ZBTB20: variants seen among roughly 807,000 people sequenced by gnomAD.
ZBTB20 encodes zinc finger and BTB domain containing 20, also known as zinc finger and BTB domain-containing protein 20.
A neutral mutation model predicts 56.9 loss-of-function variants in ZBTB20; 9 were observed. The ratio of observed to expected loss-of-function variants is 0.16; its 90% CI spans 0.10 to 0.28. ZBTB20 has a LOEUF of 0.28. Ranked by LOEUF, ZBTB20 falls within the 10% of genes least tolerant of loss-of-function variation. The pLI is 1.00. For missense variants in ZBTB20, 655 were observed against 1,003.0 expected (o/e 0.65, Z 4.69); for synonymous variants, 417 against 420.7 (o/e 0.99, Z 0.11).
intron 5 of ZBTB20, among the ~76,000 whole-genome samples, chr3:114,735,051 G>A (rs1361220888): frequency 6.6e-6 from 1 of 151,426 alleles, no homozygotes; most frequent in African/African-American, 2.4e-5. Flanking sequence ...TCAGCGTTAT[G>A]ACACCATGTT....
intron 6 of ZBTB20, among the ~76,000 whole-genome samples, chr3:114,649,522 A>C (rs1403171108): frequency 6.6e-6 from 1 of 151,840 alleles, no homozygotes; most frequent in Non-Finnish European, 1.5e-5. Flanking sequence ...TTTGTGACTC[A>C]TGGGTGTACT....
chr3:114,925,708 A>G (rs898591447), intron 3 of ZBTB20, among the ~76,000 whole-genome samples: 6 of 152,032 alleles, frequency 3.9e-5, no homozygotes, highest in Non-Finnish European at 8.8e-5. Flanking sequence ...TTGTATTTTT[A>G]GTAGAGACGG....
chr3:114,471,097 T>C (rs879237376), intron 7 of ZBTB20, among the ~76,000 whole-genome samples: 2 of 152,192 alleles, frequency 1.3e-5, no homozygotes, highest in Admixed American at 1.3e-4. Context: ...TCCAGGAAAC[T>C]AGTCCTGACC....
At chr3:115,035,224 T>C (rs1380922560) in intron 2 of ZBTB20, among the ~76,000 whole-genome samples, 1 of 151,928 alleles carries the variant, frequency 6.6e-6, no homozygotes. Flanking sequence ...TTGAGCTTCA[T>C]AAAAATTAAA....
At chr3:114,459,568 G>A (rs1432718902) in intron 7 of ZBTB20, among the ~76,000 whole-genome samples, 2 of 152,028 alleles carry the variant, frequency 1.3e-5, no homozygotes, top group Non-Finnish European at 1.5e-5. Context: ...CATCACACCT[G>A]CCATGGTGGT....
chr3:114,351,943 C>T (rs2108213981), intron 10 of ZBTB20, 65 bp from the exon 11 acceptor site: 1 of 1,542,002 alleles, frequency 6.5e-7, no homozygotes, highest in South Asian at 1.3e-5. Flanking sequence ...GCATTCCTAA[C>T]ACCTAGGTTT....
At chr3:114,666,558 G>A (rs2061065358) in intron 6 of ZBTB20, among the ~76,000 whole-genome samples, 1 of 151,940 alleles carries the variant, frequency 6.6e-6, no homozygotes, top group African/African-American at 2.4e-5. Flanking sequence ...CTTTTTATTT[G>A]AAAATCATGG....
intron 5 of ZBTB20, among the ~76,000 whole-genome samples, chr3:114,764,121 A>G (rs1372642794): frequency 6.6e-6 from 1 of 152,200 alleles, no homozygotes; most frequent in East Asian, 1.9e-4. Flanking sequence ...AAATGTATTC[A>G]TTAATGAGTC....
At chr3:114,713,973 T>A (rs1003484495) in intron 5 of ZBTB20, 3 of 152,636 alleles carry the variant, frequency 2.0e-5, no homozygotes, top group African/African-American at 2.4e-5. Context: ...GACTTTCACT[T>A]ACCTGTGAAA....
intron 3 of ZBTB20, among the ~76,000 whole-genome samples, chr3:114,907,232 T>C (rs1263723410): frequency 6.6e-6 from 1 of 151,852 alleles, no homozygotes; most frequent in Non-Finnish European, 1.5e-5. Context: ...GGCTAATTTT[T>C]TGCATTTTGT....
At chr3:114,670,155 T>G (rs1244565062) in intron 6 of ZBTB20, among the ~76,000 whole-genome samples, 1 of 152,112 alleles carries the variant, frequency 6.6e-6, no homozygotes, top group African/African-American at 2.4e-5. Flanking sequence ...ACTACCAATG[T>G]GAAGTTGTAC....
At chr3:115,082,912 T>C (rs2082850053) in intron 1 of ZBTB20, among the ~76,000 whole-genome samples, 1 of 152,086 alleles carries the variant, frequency 6.6e-6, no homozygotes, top group Non-Finnish European at 1.5e-5. Context: ...ATATAAACTT[T>C]ACTCTGACCA....
At chr3:114,770,512 A>G (rs76732421) in intron 5 of ZBTB20, among the ~76,000 whole-genome samples, 4 of 134,274 alleles carry the variant, frequency 3.0e-5, no homozygotes, top group African/African-American at 6.6e-5. Flanking sequence ...TAACTTATGG[A>G]AAAAAAAAAG....
At chr3:115,043,611 TAA>T (rs372598715) in intron 2 of ZBTB20, among the ~76,000 whole-genome samples, 10 of 75,178 alleles carry the variant, frequency 1.3e-4, no homozygotes, top group East Asian at 1.2e-3. Flanking sequence ...TAAAATAAAA[TAA>T]AATAAAATAA....
At chr3:114,698,590 G>A (rs952219811) in intron 5 of ZBTB20, among the ~76,000 whole-genome samples, 1 of 152,068 alleles carries the variant, frequency 6.6e-6, no homozygotes, top group Non-Finnish European at 1.5e-5. Flanking sequence ...CAACCACTAA[G>A]GTGAGAAAGA....
chr3:114,617,203 G>A (rs1391645239), intron 6 of ZBTB20, among the ~76,000 whole-genome samples: 1 of 152,084 alleles, frequency 6.6e-6, no homozygotes, highest in Non-Finnish European at 1.5e-5. Flanking sequence ...TCTTTGCATG[G>A]CAATCAGGGT....
chr3:114,774,228 A>G (rs1477568362), intron 5 of ZBTB20, among the ~76,000 whole-genome samples: 1 of 152,244 alleles, frequency 6.6e-6, no homozygotes, highest in Non-Finnish European at 1.5e-5. Context: ...AAATAATATG[A>G]AAGAAAATAA....
chr3:115,051,644 G>A (rs2081552479), intron 2 of ZBTB20, among the ~76,000 whole-genome samples: 2 of 152,120 alleles, frequency 1.3e-5, no homozygotes, highest in Admixed American at 1.3e-4. Flanking sequence ...GCTGGCCATA[G>A]GATCTTTGTG....
At chr3:114,635,027 A>C (rs963679477) in intron 6 of ZBTB20, among the ~76,000 whole-genome samples, 4 of 152,156 alleles carry the variant, frequency 2.6e-5, no homozygotes, top group Non-Finnish European at 4.4e-5. Flanking sequence ...AAGGGAATGA[A>C]GGGGGCCTTA....
Sources: gnomAD v4.1 joint callset for allele counts (sites outside exome capture counted in the v4.1 genomes callset) on GRCh38, gnomAD v4.1.1 for gene constraint, MANE v1.5 for transcripts, NCBI Gene and HGNC (gene_info 2026-07-23, HGNC 2026-07-21) for gene names.